Variants in CRACD observed in about 807,000 individuals in gnomAD.
CRACD encodes the protein capping protein-inhibiting regulator of actin dynamics.
Under a neutral mutation model 106.8 loss-of-function variants are expected in CRACD, and 56 were observed. The observed-to-expected ratio is 0.52, with a 90% CI of 0.42 to 0.66. CRACD has a LOEUF of 0.66. CRACD is among the 30% of genes least tolerant of loss of function. The probability of loss-of-function intolerance (pLI) is 0.00; values close to 1 mark genes in which losing one functional copy is unlikely to be tolerated. For missense variants in CRACD, 1,730 were observed against 1,623.2 expected (o/e 1.07, Z -1.13); for synonymous variants, 754 against 670.8 (o/e 1.12, Z -1.92).
chr4:56,288,213 T>G (rs978148790), intron 3 of CRACD, among the ~76,000 whole-genome samples: 1 of 152,184 alleles, frequency 6.6e-6, no homozygotes, highest in African/African-American at 2.4e-5. Context: ...CTTCTTACCT[T>G]CCTCCTCCTG....
At chr4:56,078,051 A>G (rs1398405619) in intron 1 of CRACD, among the ~76,000 whole-genome samples, 1 of 152,258 alleles carries the variant, frequency 6.6e-6, no homozygotes, top group East Asian at 1.9e-4. Context: ...ACTGAAAAGG[A>G]ATATCCCCAA....
At chr4:56,192,555 T>A (rs528419847) in intron 2 of CRACD, among the ~76,000 whole-genome samples, 4 of 152,096 alleles carry the variant, frequency 2.6e-5, no homozygotes, top group Non-Finnish European at 5.9e-5. Context: ...GGGAAGAGGT[T>A]CATGATGAGG....
chr4:56,096,030 G>A (rs1228036662), intron 1 of CRACD, among the ~76,000 whole-genome samples: 2 of 152,162 alleles, frequency 1.3e-5, no homozygotes, highest in African/African-American at 4.8e-5. Context: ...GAAGGGTGGA[G>A]TTGGTTTGGT....
At chr4:56,052,220 A>G (rs747167590) in intron 1 of CRACD, among the ~76,000 whole-genome samples, 2 of 152,312 alleles carry the variant, frequency 1.3e-5, no homozygotes, top group East Asian at 1.9e-4. Flanking sequence ...TAAGAGATGC[A>G]TTTTACTTTG....
At chr4:56,108,453 C>T (rs1321016599) in intron 1 of CRACD, among the ~76,000 whole-genome samples, 1 of 152,188 alleles carries the variant, frequency 6.6e-6, no homozygotes, top group African/African-American at 2.4e-5. Flanking sequence ...AGGTCCCTGT[C>T]ATGTAGGGAC....
intron 2 of CRACD, among the ~76,000 whole-genome samples, chr4:56,189,316 A>C (rs1737251870): frequency 6.6e-6 from 1 of 152,072 alleles, no homozygotes; most frequent in African/African-American, 2.4e-5. Flanking sequence ...CCATAGCATA[A>C]CTCCTTAAAC....
chr4:56,051,879 C>G (rs1731890425), intron 1 of CRACD, among the ~76,000 whole-genome samples: 1 of 152,148 alleles, frequency 6.6e-6, no homozygotes, highest in Non-Finnish European at 1.5e-5. Context: ...GTGATTTAAT[C>G]TAAGCCTCAG....
At chr4:56,272,526 T>C (rs893258961) in intron 3 of CRACD, 34 bp downstream of exon 3, 1 of 152,506 alleles carries the variant, frequency 6.6e-6, no homozygotes, top group African/African-American at 2.4e-5. Context: ...AGATCTTTGG[T>C]GGAGTCCCAG....
At chr4:56,228,272 A>G (rs945863370) in intron 2 of CRACD, among the ~76,000 whole-genome samples, 34 of 152,200 alleles carry the variant, frequency 2.2e-4, no homozygotes, top group African/African-American at 8.2e-4. Flanking sequence ...AAAGTATATT[A>G]TAACACTCTT....
chr4:56,256,805 C>T (rs1429504413), intron 2 of CRACD, among the ~76,000 whole-genome samples: 3 of 152,190 alleles, frequency 2.0e-5, no homozygotes, highest in African/African-American at 7.2e-5. Context: ...AGTCCCCCAA[C>T]AGATTGAATG....
intron 1 of CRACD, among the ~76,000 whole-genome samples, chr4:56,061,941 C>T (rs758122529): frequency 3.3e-5 from 5 of 152,202 alleles, no homozygotes; most frequent in African/African-American, 4.8e-5. Context: ...GTTCCACCAA[C>T]GTGGTTGTTG....
In CRACD at chr4:56,298,218, T is replaced by G; in HGVS notation, c.-12T>G. On this transcript the variant is annotated 5_prime_UTR_variant, in exon 4 of 11. Transcript: ENST00000682029. ...AGCACATGATTTACCTTCCAGGTCC[T>G]TCAACTATTCTATGGGAACCCGGGC... is the stretch of plus-strand genomic sequence containing the variant. 6.2e-7 allele frequency: 1 copy of G among 1,613,026 alleles called. No homozygotes were observed. The highest frequency in any genetic ancestry group is 8.5e-7 in the Non-Finnish European group (1 of 1,179,654).
rs368775360 is a variant in CRACD at position 56,327,723 on chromosome 4, C to T, written c.3621C>T (p.Pro1207=). ...TKRFSTPDAA[P]VSTEPAWLAL... is the part of the protein sequence containing the mutation. Reference sequence around the variant, plus strand: ...GGTTTTCCACCCCGGATGCTGCCCCCGTGTCAACAGAACCAGCCTGGCTGG... The same window carrying T: ...GGTTTTCCACCCCGGATGCTGCCCCTGTGTCAACAGAACCAGCCTGGCTGG... The change falls in exon 11 of 11, where the codon CCC becomes CCT. Residue 1207 remains proline (P), a synonymous_variant. Coordinates refer to ENST00000682029, the MANE Select transcript of CRACD (RefSeq NM_001393381.1). 36 of 1,613,998 alleles carry T rather than the reference C, an allele frequency of 2.2e-5. No homozygotes were observed. In the East Asian group the frequency reaches 4.0e-4, roughly 18 times the overall value.
At chr4:56,297,401 G>A (rs879335620) in intron 3 of CRACD, among the ~76,000 whole-genome samples, 3 of 151,986 alleles carry the variant, frequency 2.0e-5, no homozygotes, top group Non-Finnish European at 4.4e-5. Flanking sequence ...AACCAGCCTG[G>A]GTAACATAGC....
intron 2 of CRACD, among the ~76,000 whole-genome samples, chr4:56,190,559 C>A (rs1308662584): frequency 6.6e-6 from 1 of 152,110 alleles, no homozygotes; most frequent in Admixed American, 6.6e-5. Context: ...TTTTTTCTTG[C>A]AGGATGTATT....
chr4:56,274,949 CACAAA>C lies in CRACD; in HGVS notation c.-17+2459_-17+2463del, dbSNP rs551980299. The stretch of plus-strand genomic sequence containing the variant: ...TATGCACCATGGAATACTTTGCAGC[CACAAA>C]AAAGAACAAGATCATGTGTTTTGCA... On this transcript the variant is annotated intron_variant, in intron 3 of 10. Coordinates refer to ENST00000682029, the MANE Select transcript of CRACD (RefSeq NM_001393381.1). 3.6e-3 allele frequency among the ~76,000 whole-genome samples: 553 copies of C among 152,144 alleles called. 2 individuals carry two copies. Among genetic ancestry groups the C allele is most frequent in the African/African-American group, 0.013 (520 of 41,490 alleles).
intron 1 of CRACD, among the ~76,000 whole-genome samples, chr4:56,071,554 T>A (rs1209191869): frequency 6.6e-6 from 1 of 151,478 alleles, no homozygotes; most frequent in East Asian, 1.9e-4. Flanking sequence ...TTGCCCAGGC[T>A]GGAGTGCAGT....
At chr4:56,200,206 C>A (rs77400033) in intron 2 of CRACD, among the ~76,000 whole-genome samples, 13 of 151,410 alleles carry the variant, frequency 8.6e-5, no homozygotes, top group African/African-American at 3.2e-4. Context: ...AGCTCTTGTC[C>A]GTTACACTAT....
chr4:56,323,528 C>T lies in CRACD; in HGVS notation c.3339C>T (p.Ala1113=), dbSNP rs1473449890. 6.3e-7 allele frequency: 1 copy of T among 1,597,814 alleles called. No individual in the cohort carries two copies. The highest frequency in any genetic ancestry group is 2.3e-5 in the East Asian group (1 of 44,350). Residue 1113 remains alanine (A), a synonymous_variant, in exon 9 of 11, where the codon GCC becomes GCT. Coordinates refer to ENST00000682029, the MANE Select transcript of CRACD (RefSeq NM_001393381.1). ...CGACGCGGGAGGAGAGAAAGCAAGC[C>T]AGAGAGGCCAAACAGGCAGAAAAGC... The part of the protein sequence containing the change: ...QQATREERKQ[A]REAKQAEKLS...
Sources: allele counts gnomAD v4.1 joint callset (sites outside exome capture counted in the v4.1 genomes callset), GRCh38; gene constraint gnomAD v4.1.1; transcripts MANE v1.5; gene names NCBI Gene and HGNC (gene_info 2026-07-23, HGNC 2026-07-21).